The following AGO4 variants were observed in gnomAD, a reference collection of about 807,000 sequenced individuals.
The protein encoded by AGO4 is argonaute RISC component 4, also known as protein argonaute-4.
In AGO4, 33 loss-of-function variants were observed where a neutral mutation model predicts 104.7. The ratio of observed to expected loss-of-function variants is 0.32; its 90% CI spans 0.24 to 0.42. The LOEUF is 0.42. AGO4 is among the 10% of genes least tolerant of loss of function. AGO4 has a pLI of 1.00. For synonymous variants in AGO4, 331 were observed against 364.7 expected (o/e 0.91, Z 1.05); for missense variants, 711 against 1,083.4 (o/e 0.66, Z 4.83).
At chr1:35,820,161 AT>A (rs1643862276) in intron 2 of AGO4, among the ~76,000 whole-genome samples, 1 of 152,122 alleles carries the variant, frequency 6.6e-6, no homozygotes, top group African/African-American at 2.4e-5. Flanking sequence ...GGAGCATTGA[AT>A]TTAGCTATAT....
Position 35,808,386 on chromosome 1 carries a change from G to C in AGO4, c.-31G>C. ...CGGGGCCCGGAGCGGGAGGCGCCGG[G>C]GACCGGGGCGAGGCGGCCCCCGCCG... On this transcript the variant is annotated 5_prime_UTR_variant, in exon 1 of 18. Coordinates refer to ENST00000373210, the MANE Select transcript of AGO4 (RefSeq NM_017629.4). The surrounding 1 kb of genome is among the most constrained non-coding windows in gnomAD (Gnocchi z 5.2). The C allele has an allele frequency of 9.2e-7, 1 of 1,086,522 alleles. No homozygotes were observed. The highest frequency in any genetic ancestry group is 1.1e-6 in the Non-Finnish European group (1 of 897,262). 67.3% of individuals were successfully genotyped at this position (1,086,522 alleles called of 1,614,324 possible).
chr1:35,849,628 A>G (rs1271719347), intron 15 of AGO4, among the ~76,000 whole-genome samples: 1 of 150,086 alleles, frequency 6.7e-6, no homozygotes, highest in Non-Finnish European at 1.5e-5. Context: ...CCAAGGTTGC[A>G]GTGAGCTGTG....
In AGO4 at chr1:35,857,385, G is replaced by C. The variant is rs935956490; in HGVS notation, c.*3780G>C. 1 of 152,124 alleles carries C rather than the reference G, an allele frequency of 6.6e-6. No homozygotes were observed. The allele number at this position is 152,124 out of a possible 1,614,324, so 9.4% of individuals were successfully genotyped here. On this transcript the variant is annotated 3_prime_UTR_variant, in exon 18 of 18. Coordinates refer to ENST00000373210, the MANE Select transcript of AGO4 (RefSeq NM_017629.4). ...ATTGACATATTCATGCTCTTTCTAC[G>C]TCTAGTGGCTGAAAATGTTTGCATT...
chr1:35,816,784 G>A, intron 1 of AGO4, 98 bp from the exon 2 acceptor site: 7 of 1,344,756 alleles, frequency 5.2e-6, no homozygotes, highest in Non-Finnish European at 6.9e-6. Flanking sequence ...GGGTGAAAGA[G>A]CGAAACTCTG....
intron 13 of AGO4, among the ~76,000 whole-genome samples, chr1:35,838,041 C>G (rs959453909): frequency 1.3e-5 from 2 of 151,780 alleles, no homozygotes; most frequent in Non-Finnish European, 2.9e-5. Flanking sequence ...TGCCACCATG[C>G]CTGCCTATTT....
chr1:35,845,131 T>G lies in AGO4; in HGVS notation c.2175+3381T>G, dbSNP rs1267246986. Among the ~76,000 whole-genome samples, 3 of 76,820 alleles carry G rather than the reference T, an allele frequency of 3.9e-5. No individual in the cohort carries two copies. The East Asian group carries it at 1.1e-3, about 29-fold the overall frequency. The allele number at this position is 76,820 out of a possible 152,430, so 50.4% of individuals were successfully genotyped here. A position where few individuals can be genotyped will look rare whatever the true frequency, so the allele number is the denominator to read the frequency against. ...AATCAGACTTTTTTTTTTTTTTTTT[T>G]GAAATGGAGTTTCTGTAATCAGACT... On this transcript the variant is annotated intron_variant, in intron 15 of 17. Coordinates refer to ENST00000373210, the MANE Select transcript of AGO4 (RefSeq NM_017629.4).
chr1:35,847,264 C>T (rs1644593908), intron 15 of AGO4, among the ~76,000 whole-genome samples: 1 of 149,740 alleles, frequency 6.7e-6, no homozygotes, highest in Non-Finnish European at 1.5e-5. Flanking sequence ...GACTGAGTCT[C>T]GCTCTGTTAC....
chr1:35,851,331 C>T (rs1644697246), intron 17 of AGO4: 1 of 443,956 alleles, frequency 2.3e-6, no homozygotes, highest in Admixed American at 3.6e-5. Context: ...TGCTCAGGTC[C>T]TAAGTAGCCT....
chr1:35,833,204 A>G (rs991461950), intron 11 of AGO4, among the ~76,000 whole-genome samples: 38 of 152,134 alleles, frequency 2.5e-4, no homozygotes, highest in African/African-American at 8.7e-4. Context: ...ACTTGAATCC[A>G]GGAGGCAGAG....
intron 15 of AGO4, among the ~76,000 whole-genome samples, chr1:35,848,680 T>A (rs984536286): frequency 2.0e-5 from 3 of 152,080 alleles, no homozygotes; most frequent in African/African-American, 7.2e-5. Flanking sequence ...GAAAATGCTA[T>A]ATACTTTATA....
At position 35,853,070 on chromosome 1, in the gene AGO4, G is replaced by GA. The variant is rs543690360; in HGVS notation, c.2478-424dup. Among the ~76,000 whole-genome samples the GA allele has an allele frequency of 5.9e-5, 9 of 152,164 alleles. No homozygotes were observed. In the South Asian group the frequency reaches 1.9e-3, roughly 32 times the overall value. The stretch of plus-strand genomic sequence containing the variant: ...TCGAGACCATCCTGGCTAACATGGT[G>GA]AAACCCCGTCTCTAGTAAAAATACA... On this transcript the variant is annotated intron_variant, in intron 17 of 17. Transcript: ENST00000373210.
At position 35,822,968 on chromosome 1, in the gene AGO4, A is replaced by G. The variant is rs1643919557; in HGVS notation, c.292A>G (p.Ile98Val). 5 of 1,614,008 alleles carry G rather than the reference A, an allele frequency of 3.1e-6. No individual in the cohort carries two copies. The highest frequency in any genetic ancestry group is 1.7e-5 in the Admixed American group (1 of 59,966). Residue 98 changes from isoleucine (I) to valine (V), a missense_variant, in exon 3 of 18, where the codon ATT becomes GTT. Transcript: ENST00000373210. ...RNMYTAHPLP[I>V]GRDRVDMEVT... ...CATGTACACAGCACATCCACTACCA[A>G]TTGGACGGGATAGGGTAAGTGTTAA...
intron 2 of AGO4, among the ~76,000 whole-genome samples, chr1:35,820,842 A>G (rs566151851): frequency 1.6e-4 from 25 of 152,252 alleles, no homozygotes; most frequent in African/African-American, 6.0e-4. Context: ...TAAATACTCT[A>G]TGTATTTTAC....
chr1:35,817,852 G>T (rs2148653393), intron 2 of AGO4, among the ~76,000 whole-genome samples: 1 of 152,258 alleles, frequency 6.6e-6, no homozygotes, highest in East Asian at 1.9e-4. Flanking sequence ...GTGTAACTGA[G>T]ATCAATAGTA....
Position 35,853,738 on chromosome 1 carries a change from GAATCT to G in AGO4, c.*135_*139del, listed in dbSNP as rs1317894454. 1.5e-6 allele frequency: 1 copy of G among 688,848 alleles called. No individual in the cohort carries two copies. Among genetic ancestry groups the G allele is most frequent in the East Asian group, 2.8e-5 (1 of 36,058 alleles). 42.7% of individuals were successfully genotyped at this position (688,848 alleles called of 1,614,324 possible). On this transcript the variant is annotated 3_prime_UTR_variant, in exon 18 of 18. Coordinates refer to ENST00000373210, the MANE Select transcript of AGO4 (RefSeq NM_017629.4). The stretch of plus-strand genomic sequence containing the variant: ...ACCAGCAGCTCGGAATAGTTGCACT[GAATCT>G]ATACTTTGCAGCACTGTCTGATGCG...
At position 35,821,502 on chromosome 1, in the gene AGO4, C is replaced by G. The variant is rs1307888415; in HGVS notation, c.186-1360C>G. On this transcript the variant is annotated intron_variant, in intron 2 of 17. Coordinates refer to ENST00000373210, the MANE Select transcript of AGO4 (RefSeq NM_017629.4). Reference sequence around the variant, plus strand: ...CTCACAAACCCTGGTCTGTCCATATCTTAAACTCTATACACCAGTTTTTTT... The same window carrying G: ...CTCACAAACCCTGGTCTGTCCATATGTTAAACTCTATACACCAGTTTTTTT... 1.3e-5 allele frequency among the ~76,000 whole-genome samples: 2 copies of G among 152,212 alleles called. 1 individual carries two copies. The highest frequency in any genetic ancestry group is 2.9e-5 in the Non-Finnish European group (2 of 68,040).
chr1:35,843,273 C>T (rs1644492789), intron 15 of AGO4, among the ~76,000 whole-genome samples: 2 of 152,062 alleles, frequency 1.3e-5, no homozygotes, highest in African/African-American at 4.8e-5. Context: ...ACCATGTTAG[C>T]CAATCCAGTC....
At position 35,851,761 on chromosome 1, in the gene AGO4, G is replaced by A. The variant is rs145287164; in HGVS notation, c.2477+708G>A. 3.5e-3 allele frequency among the ~76,000 whole-genome samples: 534 copies of A among 152,278 alleles called. 4 individuals carry two copies. The highest frequency in any genetic ancestry group is 7.2e-3 in the Admixed American group (110 of 15,302). Reference sequence around the variant, plus strand: ...CTATTATGGAAAATGTCCAACTGTGGCTTTGTACCTTCCATTCCGTAATGT... The same window carrying A: ...CTATTATGGAAAATGTCCAACTGTGACTTTGTACCTTCCATTCCGTAATGT... On this transcript the variant is annotated intron_variant, in intron 17 of 17. Transcript: ENST00000373210.
rs1644781299 is a variant in AGO4 at position 35,854,755 on chromosome 1, G to A, written c.*1150G>A. 1 of 152,602 alleles carries A rather than the reference G, an allele frequency of 6.6e-6. No individual in the cohort carries two copies. Among genetic ancestry groups the A allele is most frequent in the South Asian group, 2.1e-4 (1 of 4,826 alleles). 9.5% of individuals were successfully genotyped at this position (152,602 alleles called of 1,614,324 possible). On this transcript the variant is annotated 3_prime_UTR_variant, in exon 18 of 18. Coordinates refer to ENST00000373210, the MANE Select transcript of AGO4 (RefSeq NM_017629.4). ...TTGGAAAGGCTTTGCCAGTCCTTAA[G>A]GTACAATGAGTGATGCTGCAACTTG...
Sources: allele counts gnomAD v4.1 joint callset (sites outside exome capture counted in the v4.1 genomes callset), GRCh38; gene constraint gnomAD v4.1.1; non-coding constraint Gnocchi (gnomAD v3.1); transcripts MANE v1.5; gene names NCBI Gene and HGNC (gene_info 2026-07-23, HGNC 2026-07-21).